The following NEDD4 variants were observed in gnomAD, a reference collection of about 807,000 sequenced individuals.
NEDD4 encodes the protein NEDD4 E3 ubiquitin protein ligase.
Under a neutral mutation model 144.9 loss-of-function variants are expected in NEDD4, and 99 were observed. The ratio of observed to expected loss-of-function variants is 0.68; its 90% confidence interval spans 0.58 to 0.81. The LOEUF is 0.81. Ranked by LOEUF, NEDD4 falls within the 30% of genes least tolerant of loss-of-function variation. The pLI, the probability that NEDD4 is intolerant of heterozygous loss-of-function variation, is 0.00. For synonymous variants in NEDD4, 318 were observed against 350.6 expected (o/e 0.91, Z 1.04); for missense variants, 985 against 1,065.9 (o/e 0.92, Z 1.06).
intron 5 of NEDD4, chr15:55,916,529 C>A: frequency 6.2e-7 from 1 of 1,614,080 alleles, no homozygotes; most frequent in Non-Finnish European, 8.5e-7. Flanking sequence ...CATTGCTAGA[C>A]TGAAGATATC....
chr15:55,908,989 C>T (rs958143770), intron 5 of NEDD4, among the ~76,000 whole-genome samples: 1 of 152,130 alleles, frequency 6.6e-6, no homozygotes, highest in East Asian at 1.9e-4. Flanking sequence ...TTAGTTATAA[C>T]TGAATTTAAA....
At chr15:55,980,369 C>G (rs1463393079) in intron 1 of NEDD4, among the ~76,000 whole-genome samples, 3 of 152,154 alleles carry the variant, frequency 2.0e-5, no homozygotes, top group Non-Finnish European at 4.4e-5. Context: ...CAACTTGGGT[C>G]TGAGAACAGC....
At chr15:55,980,879 C>G (rs1365218872) in intron 1 of NEDD4, among the ~76,000 whole-genome samples, 1 of 151,812 alleles carries the variant, frequency 6.6e-6, no homozygotes, top group Non-Finnish European at 1.5e-5. Context: ...AAATTTGTGA[C>G]AGACATACAG....
intron 1 of NEDD4, among the ~76,000 whole-genome samples, chr15:55,983,844 CA>C (rs1358423006): frequency 1.6e-3 from 249 of 152,216 alleles, no homozygotes; most frequent in African/African-American, 5.7e-3. Flanking sequence ...CTCCTGACCT[CA>C]AGTGATCCAC....
chr15:55,867,785 G>A (rs932585815), intron 8 of NEDD4, among the ~76,000 whole-genome samples: 2 of 152,210 alleles, frequency 1.3e-5, no homozygotes, highest in African/African-American at 2.4e-5. Flanking sequence ...GCTGGGTGCC[G>A]TGGCTCACGC....
chr15:55,922,614 C>A (rs1455461400), intron 5 of NEDD4, among the ~76,000 whole-genome samples: 1 of 152,166 alleles, frequency 6.6e-6, no homozygotes, highest in Non-Finnish European at 1.5e-5. Context: ...CCACCTAACT[C>A]GGCCTCCCAA....
At chr15:55,916,030 T>C in intron 5 of NEDD4, 1 of 1,613,900 alleles carries the variant, frequency 6.2e-7, no homozygotes, top group Non-Finnish European at 8.5e-7. Flanking sequence ...CTAGGAAAAA[T>C]GACTAAGGAG....
At chr15:55,904,263 T>C (rs1324368460) in intron 5 of NEDD4, among the ~76,000 whole-genome samples, 6 of 152,130 alleles carry the variant, frequency 3.9e-5, no homozygotes, top group Non-Finnish European at 7.4e-5. Context: ...AGAAGGCTGT[T>C]AGGGTCTCTT....
At chr15:55,842,784 C>CTA (rs1182782142) in intron 18 of NEDD4, among the ~76,000 whole-genome samples, 2 of 152,206 alleles carry the variant, frequency 1.3e-5, no homozygotes, top group African/African-American at 4.8e-5. Flanking sequence ...TGTAGGATAG[C>CTA]CACTGCCTGC....
At chr15:55,929,508 C>T (rs903612728) in intron 4 of NEDD4, among the ~76,000 whole-genome samples, 17 of 152,118 alleles carry the variant, frequency 1.1e-4, no homozygotes, top group African/African-American at 3.4e-4. Context: ...TCAAGCAGGC[C>T]GCGGTGTCTA....
chr15:55,924,716 C>T lies in NEDD4; in HGVS notation c.238-17G>A, dbSNP rs1397659786. Reference sequence around the variant, plus strand: ...AGGATGAACCTAAGAAAAACACAATCTTTATTTAAAAACAAGTAAACATCA... The same window carrying T: ...AGGATGAACCTAAGAAAAACACAATTTTTATTTAAAAACAAGTAAACATCA... On this transcript the variant is annotated splice_polypyrimidine_tract_variant and intron_variant, in intron 4 of 28. Transcript: ENST00000435532. The T allele has an allele frequency of 1.9e-6, 3 of 1,600,946 alleles. No homozygotes were observed. The highest frequency in any genetic ancestry group is 2.6e-6 in the Non-Finnish European group (3 of 1,173,354).
chr15:55,923,669 T>C (rs1595848539), intron 5 of NEDD4, among the ~76,000 whole-genome samples: 1 of 149,494 alleles, frequency 6.7e-6, no homozygotes, highest in Non-Finnish European at 1.5e-5. Context: ...AATATATATA[T>C]ATATAGCAAG....
chr15:55,880,352 G>T (rs1239791044), intron 5 of NEDD4, among the ~76,000 whole-genome samples: 3 of 152,050 alleles, frequency 2.0e-5, no homozygotes, highest in Non-Finnish European at 2.9e-5. Flanking sequence ...AGGGGAAAAA[G>T]ACTTGCTGCA....
In NEDD4 at chr15:55,985,302, G is replaced by A. The variant is rs893752717; in HGVS notation, c.45+8209C>T. Among the ~76,000 whole-genome samples the A allele has an allele frequency of 2.6e-5, 4 of 152,352 alleles. 1 individual carries two copies. The South Asian group carries it at 6.2e-4, about 24-fold the overall frequency. Reference sequence around the variant, plus strand: ...TACAGAAAATGTCTGTGGAGTGAGGGTGAATTTCACAGAGGTGCATGGTTG... The same window carrying A: ...TACAGAAAATGTCTGTGGAGTGAGGATGAATTTCACAGAGGTGCATGGTTG... On this transcript the variant is annotated intron_variant, in intron 1 of 28. Transcript: ENST00000435532.
intron 2 of NEDD4, among the ~76,000 whole-genome samples, chr15:55,965,208 T>C (rs1327939943): frequency 6.6e-6 from 1 of 152,194 alleles, no homozygotes; most frequent in African/African-American, 2.4e-5. Context: ...TTTTGGTTGT[T>C]TGTTTTTTGA....
chr15:55,905,389 C>G (rs1045324453), intron 5 of NEDD4: 6 of 414,060 alleles, frequency 1.4e-5, no homozygotes, highest in African/African-American at 1.3e-4. Context: ...TGAAACCCAC[C>G]AGTTGAAAAG....
In NEDD4 at chr15:55,978,468, CAT is replaced by C. The variant is rs1451521768; in HGVS notation, c.46-11924_46-11923del. On this transcript the variant is annotated intron_variant, in intron 1 of 28. Transcript: ENST00000435532. The stretch of plus-strand genomic sequence containing the variant: ...CATGTGTTGAGATTGTAATCTCTCA[CAT>C]GTTTGAAAAGGAGGGAAAGCAGCAT... 2.9e-4 allele frequency among the ~76,000 whole-genome samples: 44 copies of C among 152,268 alleles called. 2 individuals carry two copies. The highest frequency in any genetic ancestry group is 1.0e-3 in the South Asian group (5 of 4,824).
intron 1 of NEDD4, among the ~76,000 whole-genome samples, chr15:55,974,983 C>T (rs1265157263): frequency 1.1e-4 from 17 of 148,758 alleles, no homozygotes; most frequent in African/African-American, 4.2e-4. Flanking sequence ...ACCTCTGCCT[C>T]CCAGGTTCAA....
intron 28 of NEDD4, 26 bp downstream of exon 28, chr15:55,830,488 C>A (rs371958508): frequency 1.2e-6 from 2 of 1,602,506 alleles, no homozygotes; most frequent in South Asian, 1.1e-5. Flanking sequence ...AGGCTTTGTT[C>A]TATCAAGGTC....
Sources: allele counts gnomAD v4.1 joint callset (sites outside exome capture counted in the v4.1 genomes callset), GRCh38; gene constraint gnomAD v4.1.1; transcripts MANE v1.5; gene names NCBI Gene and HGNC (gene_info 2026-07-23, HGNC 2026-07-21).